Variants in JCAD observed in about 807,000 individuals in gnomAD.
JCAD encodes junctional cadherin 5 associated.
In JCAD, 40 loss-of-function variants were observed where a neutral mutation model predicts 98.0. The ratio of observed to expected loss-of-function variants is 0.41; its 90% CI spans 0.32 to 0.53. The LOEUF is 0.53. Among genes scored for constraint, JCAD ranks in the 20% least tolerant of loss-of-function variants. JCAD has a pLI of 0.31. For missense variants in JCAD, 1,705 were observed against 1,738.1 expected, an observed-to-expected ratio of 0.98 and a Z score of 0.34; for synonymous variants, 691 against 682.3, an observed-to-expected ratio of 1.01 and a Z score of -0.20.
chr10:30,102,462 C>T (rs935159750), intron 1 of JCAD, among the ~76,000 whole-genome samples: 2 of 152,208 alleles, frequency 1.3e-5, no homozygotes, highest in Admixed American at 6.5e-5. Flanking sequence ...TGAGCCACTG[C>T]ACCCAGTCTA....
rs562209343 is a variant in JCAD at position 30,039,834 on chromosome 10, C to T, written c.281+7698G>A. ...CTGTCCAGTGGAACGCTGTCGGCAGCGTCCTTAACTGCCCCTGCCTCTGAT... is the reference window on the plus strand; with the variant it reads ...CTGTCCAGTGGAACGCTGTCGGCAGTGTCCTTAACTGCCCCTGCCTCTGAT... On this transcript the variant is annotated intron_variant, in intron 2 of 3. Transcript: ENST00000375377. Among the ~76,000 whole-genome samples, 69 of 152,256 alleles carry T rather than the reference C, an allele frequency of 4.5e-4. 2 individuals are homozygous for T. In the South Asian group the frequency reaches 0.014, roughly 30 times the overall value.
At chr10:30,032,986 T>C (rs1284723422) in intron 2 of JCAD, among the ~76,000 whole-genome samples, 1 of 152,198 alleles carries the variant, frequency 6.6e-6, no homozygotes, top group Non-Finnish European at 1.5e-5. Context: ...TACTAACATC[T>C]ACTGGGCACC....
At chr10:30,093,557 T>C (rs1231762899) in intron 1 of JCAD, among the ~76,000 whole-genome samples, 1 of 152,196 alleles carries the variant, frequency 6.6e-6, no homozygotes, top group African/African-American at 2.4e-5. Flanking sequence ...ATGATGAGTC[T>C]CTTATAGGAT....
At chr10:30,024,845 G>A (rs976048841) in intron 3 of JCAD, among the ~76,000 whole-genome samples, 9 of 151,812 alleles carry the variant, frequency 5.9e-5, no homozygotes, top group South Asian at 4.2e-4. Context: ...ACAGGCGCCC[G>A]CCGCCACGCC....
intron 1 of JCAD, among the ~76,000 whole-genome samples, chr10:30,097,694 G>A (rs977109293): frequency 4.6e-5 from 7 of 152,150 alleles, no homozygotes; most frequent in African/African-American, 1.2e-4. Flanking sequence ...GGCGGAAGTC[G>A]CAGGTTTGCA....
intron 1 of JCAD, among the ~76,000 whole-genome samples, chr10:30,058,476 C>A (rs975160737): frequency 4.6e-5 from 7 of 152,194 alleles, no homozygotes; most frequent in African/African-American, 1.7e-4. Flanking sequence ...CAGGGCATGC[C>A]CAGGTAGCGC....
Position 30,076,029 on chromosome 10 carries a change from CT to C in JCAD, n.129-6209del, listed in dbSNP as rs556331811. 2.3e-3 allele frequency among the ~76,000 whole-genome samples: 333 copies of C among 145,322 alleles called. 2 individuals carry two copies. Among genetic ancestry groups the C allele is most frequent in the East Asian group, 0.022 (109 of 5,018 alleles). ...TTTGTAAATATGGTTCAAACAGGGACTTTTTTTTTTTTGAGACAGAGTCTCA... is the reference window on the plus strand; with the variant it reads ...TTTGTAAATATGGTTCAAACAGGGACTTTTTTTTTTTGAGACAGAGTCTCA... On this transcript the variant is annotated intron_variant and non_coding_transcript_variant, in intron 1 of 2. Transcript: ENST00000465712.
chr10:30,062,555 G>A (rs12241184), upstream of JCAD, among the ~76,000 whole-genome samples: 4,887 of 152,194 alleles, frequency 0.032, 249 homozygotes, highest in African/African-American at 0.11. Flanking sequence ...TTCCCATGCT[G>A]CTAATAAAGA....
At chr10:30,036,022 T>G (rs1028788593) in intron 2 of JCAD, among the ~76,000 whole-genome samples, 1 of 152,180 alleles carries the variant, frequency 6.6e-6, no homozygotes, top group African/African-American at 2.4e-5. Flanking sequence ...AATGAGCAAG[T>G]CTATTCACTG....
intron 1 of JCAD, among the ~76,000 whole-genome samples, chr10:30,101,325 C>T (rs1838468039): frequency 6.6e-6 from 1 of 151,940 alleles, no homozygotes; most frequent in Non-Finnish European, 1.5e-5. Context: ...AGGAGAATTT[C>T]TTGAAACTGG....
At chr10:30,077,555 A>G (rs896338316) in intron 1 of JCAD, among the ~76,000 whole-genome samples, 5 of 152,154 alleles carry the variant, frequency 3.3e-5, no homozygotes, top group African/African-American at 9.7e-5. Context: ...TATCATCCCA[A>G]ACAGAAACTG....
intron 2 of JCAD, among the ~76,000 whole-genome samples, chr10:30,065,386 A>G (rs1564460908): frequency 6.6e-6 from 1 of 152,230 alleles, no homozygotes; most frequent in African/African-American, 2.4e-5. Context: ...GTATTAAATA[A>G]ATAAATAAAA....
At chr10:30,053,152 GC>G (rs1200960642) in intron 1 of JCAD, among the ~76,000 whole-genome samples, 1 of 152,058 alleles carries the variant, frequency 6.6e-6, no homozygotes, top group Non-Finnish European at 1.5e-5. Context: ...AAAAAGCAAT[GC>G]TTGTTGTTGG....
At chr10:30,109,733 T>C (rs1483003833) in intron 1 of JCAD, among the ~76,000 whole-genome samples, 6 of 152,178 alleles carry the variant, frequency 3.9e-5, no homozygotes, top group Non-Finnish European at 1.5e-5. Flanking sequence ...ATAAATAATA[T>C]GGTATAGGCC....
At chr10:30,042,164 A>C (rs576221166) in intron 2 of JCAD, among the ~76,000 whole-genome samples, 1 of 152,324 alleles carries the variant, frequency 6.6e-6, no homozygotes, top group East Asian at 1.9e-4. Context: ...TCAACGACTT[A>C]AAAAGGGGAA....
At position 30,026,749 on chromosome 10, in the gene JCAD, T is replaced by C. The variant is rs550784826; in HGVS notation, c.3399A>G (p.Ala1133=). ...TGGACACCCTGGGGACATCTGCCGG[T>C]GCTGGGCGAGATAGCAACTCTTCCT... The part of the protein sequence containing the change: ...SPQEELLSRP[A]PADVPRVSTD... Residue 1133 remains alanine (A), a synonymous_variant, in exon 3 of 4, where the codon GCA becomes GCG. Transcript: ENST00000375377. 124 of 1,614,172 alleles carry C rather than the reference T, an allele frequency of 7.7e-5. 1 individual carries two copies. The East Asian group carries it at 2.3e-3, about 30-fold the overall frequency.
At position 30,113,641 on chromosome 10, in the gene JCAD, A is replaced by G. The variant is rs533943044; in HGVS notation, n.128+1726T>C. Among the ~76,000 whole-genome samples, 3 of 150,986 alleles carry G rather than the reference A, an allele frequency of 2.0e-5. No homozygotes were observed. In the South Asian group the frequency reaches 6.3e-4, roughly 32 times the overall value. Reference sequence around the variant, plus strand: ...ATGGCTCAGAGCAGCATTCATCAGAACCTGGCTCCACCCTCCTCATAGGGC... The same window carrying G: ...ATGGCTCAGAGCAGCATTCATCAGAGCCTGGCTCCACCCTCCTCATAGGGC... On this transcript the variant is annotated intron_variant and non_coding_transcript_variant, in intron 1 of 2. Coordinates refer to the JCAD transcript ENST00000465712.
chr10:30,054,711 C>T (rs1001889286), intron 1 of JCAD, among the ~76,000 whole-genome samples: 1 of 151,530 alleles, frequency 6.6e-6, no homozygotes, highest in Non-Finnish European at 1.5e-5. Context: ...CGCTGTCGCC[C>T]AGGCTGGAGT....
At chr10:30,113,746 C>T (rs1838746218) in intron 1 of JCAD, among the ~76,000 whole-genome samples, 1 of 152,072 alleles carries the variant, frequency 6.6e-6, no homozygotes, top group African/African-American at 2.4e-5. Flanking sequence ...CACTGTTGCA[C>T]TGTCTCCCAG....
Sources: gnomAD v4.1 joint callset for allele counts (sites outside exome capture counted in the v4.1 genomes callset) on GRCh38, gnomAD v4.1.1 for gene constraint, MANE v1.5 for transcripts, NCBI Gene and HGNC (gene_info 2026-07-23, HGNC 2026-07-21) for gene names.